Variants in PDE1C observed in about 807,000 individuals in gnomAD.
PDE1C encodes dual specificity calcium/calmodulin-dependent 3',5'-cyclic nucleotide phosphodiesterase 1C.
Under a neutral mutation model 93.1 loss-of-function variants are expected in PDE1C, and 62 were observed. The observed-to-expected ratio is 0.67, with a 90% CI of 0.54 to 0.82. PDE1C has a LOEUF of 0.82. Among genes scored for constraint, PDE1C ranks in the 40% least tolerant of loss-of-function variants. PDE1C has a pLI of 0.00. For synonymous variants in PDE1C, 325 were observed against 310.1 expected (o/e 1.05, Z -0.50); for missense variants, 742 against 884.6 (o/e 0.84, Z 2.04).
chr7:32,179,999 C>T (rs1803285024), intron 2 of PDE1C, among the ~76,000 whole-genome samples: 1 of 152,154 alleles, frequency 6.6e-6, no homozygotes, highest in African/African-American at 2.4e-5. Flanking sequence ...AGAAATAAAA[C>T]TCCTAAAATT....
chr7:32,317,876 T>C (rs1258241376), intron 1 of PDE1C, among the ~76,000 whole-genome samples: 1 of 152,222 alleles, frequency 6.6e-6, no homozygotes, highest in African/African-American at 2.4e-5. Context: ...GCTGTTGGTA[T>C]CATTGTGTCC....
chr7:31,617,782 T>TAAAG, the PDE1C span, among the ~76,000 whole-genome samples: 1 of 152,070 alleles, frequency 6.6e-6, no homozygotes, highest in East Asian at 1.9e-4. Context: ...TTGAAGATAA[T>TAAAG]AAAGATAAAA....
chr7:32,127,853 T>A (rs866158778), intron 3 of PDE1C, among the ~76,000 whole-genome samples: 15 of 152,174 alleles, frequency 9.9e-5, no homozygotes, highest in Non-Finnish European at 1.5e-4. Flanking sequence ...TTTAGAAGTA[T>A]GTCAAAGATA....
At chr7:31,632,214 T>C in the PDE1C span, among the ~76,000 whole-genome samples, 48 of 152,262 alleles carry the variant, frequency 3.2e-4, no homozygotes. Context: ...TTTGGGTGGC[T>C]GAGGCAGGTG....
chr7:31,825,451 G>C (rs1030997135), intron 12 of PDE1C, among the ~76,000 whole-genome samples: 1 of 152,106 alleles, frequency 6.6e-6, no homozygotes, highest in African/African-American at 2.4e-5. Flanking sequence ...TTTTGGATTT[G>C]GGGAAGGAAA....
intron 2 of PDE1C, among the ~76,000 whole-genome samples, chr7:32,172,394 C>T (rs1413930615): frequency 6.6e-6 from 1 of 152,136 alleles, no homozygotes; most frequent in Non-Finnish European, 1.5e-5. Context: ...TATGAACAGA[C>T]ACTTCTCCAA....
At chr7:31,643,999 A>T in the PDE1C span, 1 of 1,499,314 alleles carries the variant, frequency 6.7e-7, no homozygotes, top group African/African-American at 1.4e-5. Context: ...TGCACCCGTG[A>T]TAAACACCTC....
At chr7:32,089,203 ATT>A (rs1473845470) in intron 3 of PDE1C, among the ~76,000 whole-genome samples, 2 of 152,158 alleles carry the variant, frequency 1.3e-5, no homozygotes, top group African/African-American at 2.4e-5. Context: ...GTATAGTACT[ATT>A]TATTTTTGGT....
At chr7:32,320,555 A>C (rs1783268800) in intron 1 of PDE1C, among the ~76,000 whole-genome samples, 1 of 152,120 alleles carries the variant, frequency 6.6e-6, no homozygotes, top group Non-Finnish European at 1.5e-5. Flanking sequence ...TTATGCAAGG[A>C]ATTGTTCTAG....
chr7:32,112,507 C>A (rs577020879), intron 3 of PDE1C, among the ~76,000 whole-genome samples: 66 of 152,046 alleles, frequency 4.3e-4, no homozygotes, highest in Middle Eastern at 3.4e-3. Context: ...CTCTGTAGCC[C>A]AGGCTGGAAT....
intron 1 of PDE1C, among the ~76,000 whole-genome samples, chr7:32,363,404 T>C (rs1246385116): frequency 6.6e-6 from 1 of 152,256 alleles, no homozygotes; most frequent in East Asian, 1.9e-4. Flanking sequence ...ATCTCCACCA[T>C]GGTCCTCTAT....
the PDE1C span, among the ~76,000 whole-genome samples, chr7:31,630,855 G>A: frequency 6.6e-6 from 1 of 151,564 alleles, no homozygotes; most frequent in Non-Finnish European, 1.5e-5. Context: ...AAAGAAAACA[G>A]GAATTACAAC....
At chr7:32,116,705 A>C (rs936856908) in intron 3 of PDE1C, among the ~76,000 whole-genome samples, 2 of 152,198 alleles carry the variant, frequency 1.3e-5, no homozygotes, top group Non-Finnish European at 2.9e-5. Context: ...AGTGAGCTAG[A>C]GAGTGAGAAG....
chr7:31,996,397 ACT>A (rs1455052369), intron 2 of PDE1C, among the ~76,000 whole-genome samples: 2 of 152,154 alleles, frequency 1.3e-5, no homozygotes, highest in African/African-American at 4.8e-5. Context: ...GTCTTTACAC[ACT>A]CAGAAAAATG....
chr7:32,199,340 A>C (rs1045869031), intron 2 of PDE1C, among the ~76,000 whole-genome samples: 2 of 152,160 alleles, frequency 1.3e-5, no homozygotes, highest in Non-Finnish European at 2.9e-5. Flanking sequence ...CAATTCTGAA[A>C]AATTCTCAGC....
intron 1 of PDE1C, among the ~76,000 whole-genome samples, chr7:32,239,494 C>A (rs565736087): frequency 9.9e-5 from 15 of 151,894 alleles, no homozygotes; most frequent in Admixed American, 9.8e-4. Context: ...CAAAAAGAAC[C>A]CTGTAAGTCA....
At chr7:31,655,621 G>A in the PDE1C span, among the ~76,000 whole-genome samples, 2 of 152,132 alleles carry the variant, frequency 1.3e-5, no homozygotes, top group African/African-American at 4.8e-5. Flanking sequence ...GTTATTATGC[G>A]CCTCTCGTCG....
At chr7:31,965,108 G>A (rs1021135326) in intron 2 of PDE1C, among the ~76,000 whole-genome samples, 22 of 152,200 alleles carry the variant, frequency 1.4e-4, no homozygotes, top group African/African-American at 5.3e-4. Context: ...GCTGGACGGA[G>A]AATGACTTTG....
intron 1 of PDE1C, among the ~76,000 whole-genome samples, chr7:32,354,110 T>C (rs1017032704): frequency 1.3e-5 from 2 of 152,226 alleles, no homozygotes; most frequent in African/African-American, 2.4e-5. Context: ...ATGATTCTTG[T>C]AGAGTCTTAG....
Sources: allele counts gnomAD v4.1 joint callset (sites outside exome capture counted in the v4.1 genomes callset), GRCh38; gene constraint gnomAD v4.1.1; transcripts MANE v1.5; gene names NCBI Gene and HGNC (gene_info 2026-07-23, HGNC 2026-07-21).